The following DGCR2 variants were observed in gnomAD, a reference collection of about 807,000 sequenced individuals.
The protein encoded by DGCR2 is DiGeorge syndrome critical region gene 2, also known as integral membrane protein DGCR2/IDD.
DGCR2 carries 24 observed loss-of-function variants against 51.6 expected under a neutral mutation model. The ratio of observed to expected loss-of-function variants is 0.47; its 90% CI spans 0.34 to 0.65. The LOEUF (loss-of-function observed/expected upper bound fraction) is 0.65, where lower values mean the gene tolerates loss of function less well. Among genes scored for constraint, DGCR2 ranks in the 30% least tolerant of loss-of-function variants. The pLI is 0.01. For synonymous variants in DGCR2, 340 were observed against 315.4 expected (o/e 1.08, Z -0.82); for missense variants, 765 against 772.1 (o/e 0.99, Z 0.11).
At chr22:19,102,149 T>C (rs915383651) in intron 1 of DGCR2, among the ~76,000 whole-genome samples, 1 of 152,216 alleles carries the variant, frequency 6.6e-6, no homozygotes, top group African/African-American at 2.4e-5. Flanking sequence ...AACATTATGC[T>C]AAGTGAAAGA....
At chr22:19,061,659 T>C (rs762801930) in intron 5 of DGCR2, 4 of 152,222 alleles carry the variant, frequency 2.6e-5, no homozygotes, top group Non-Finnish European at 5.9e-5. Flanking sequence ...GGGCCAGTTA[T>C]CCTGCAGCAG....
intron 1 of DGCR2, among the ~76,000 whole-genome samples, chr22:19,102,245 A>G (rs1330733996): frequency 6.6e-6 from 1 of 152,186 alleles, no homozygotes; most frequent in Non-Finnish European, 1.5e-5. Flanking sequence ...TGGAAAGTAG[A>G]ATGGTGGTTG....
At chr22:19,066,082 C>A (rs1423576344) in intron 3 of DGCR2, among the ~76,000 whole-genome samples, 1 of 152,188 alleles carries the variant, frequency 6.6e-6, no homozygotes, top group Non-Finnish European at 1.5e-5. Context: ...CCTGAGTGTG[C>A]AAGGAAGCTC....
intron 5 of DGCR2, among the ~76,000 whole-genome samples, chr22:19,062,775 G>GCTCGCTCTCTCTCTCTCTCTCT (rs1491258740): frequency 1.8e-5 from 2 of 108,860 alleles, no homozygotes; most frequent in Non-Finnish European, 3.9e-5. Context: ...ACACATGCAT[G>GCTCGCTCTCTCTCTCTCTCTCT]CTCACTCTCT....
intron 5 of DGCR2, 144 bp downstream of exon 5, chr22:19,063,058 G>T (rs867033396): frequency 1.3e-5 from 9 of 713,538 alleles, no homozygotes; most frequent in Middle Eastern, 2.4e-4. Flanking sequence ...CATGACCGCA[G>T]CCCTCCCTGC....
At chr22:19,087,037 C>T (rs1327956023) in intron 2 of DGCR2, among the ~76,000 whole-genome samples, 1 of 152,226 alleles carries the variant, frequency 6.6e-6, no homozygotes, top group Non-Finnish European at 1.5e-5. Context: ...AACCAAGAAT[C>T]ATCTGGTTCT....
chr22:19,062,782 C>CATATTTTT, intron 5 of DGCR2, among the ~76,000 whole-genome samples: 1 of 135,362 alleles, frequency 7.4e-6, no homozygotes, highest in Non-Finnish European at 1.6e-5. Context: ...CATGCTCACT[C>CATATTTTT]TCTCTCTCTC....
intron 1 of DGCR2, among the ~76,000 whole-genome samples, chr22:19,091,676 CT>C (rs1349853744): frequency 6.6e-6 from 1 of 152,094 alleles, no homozygotes; most frequent in East Asian, 1.9e-4. Context: ...TTCTGGGAGG[CT>C]GAGGCAGGCA....
intron 2 of DGCR2, among the ~76,000 whole-genome samples, chr22:19,072,728 G>A (rs1049214654): frequency 1.3e-5 from 2 of 152,100 alleles, no homozygotes; most frequent in African/African-American, 4.8e-5. Context: ...CAAAAAATTA[G>A]CTGGGCGTGG....
At chr22:19,120,222 A>C (rs2083418021) in intron 1 of DGCR2, among the ~76,000 whole-genome samples, 1 of 152,138 alleles carries the variant, frequency 6.6e-6, no homozygotes, top group Non-Finnish European at 1.5e-5. Flanking sequence ...TCATCTGGAG[A>C]GTCATGGAAT....
intron 1 of DGCR2, among the ~76,000 whole-genome samples, chr22:19,090,544 T>G (rs113961537): frequency 1.2e-4 from 18 of 152,346 alleles, no homozygotes; most frequent in African/African-American, 4.1e-4. Flanking sequence ...GAAAAAGCTG[T>G]TGACCTACAA....
intron 1 of DGCR2, among the ~76,000 whole-genome samples, chr22:19,108,568 CTAAAAAAAAAAAAAAAAAAAA>C (rs1569087712): frequency 1.8e-5 from 1 of 56,666 alleles, no homozygotes; most frequent in Non-Finnish European, 3.2e-5. Flanking sequence ...GAGAATTTAT[CTAAAAAAAAAAAAAAAAAAAA>C]AAAAAAAAAA....
At chr22:19,063,076 G>A (rs2082702947) in intron 5 of DGCR2, 126 bp downstream of exon 5, 5 of 724,622 alleles carry the variant, frequency 6.9e-6, no homozygotes, top group Non-Finnish European at 1.1e-5. Context: ...TGCAACTGGG[G>A]CTCACCCACT....
At chr22:19,063,735 A>C (rs1455210622) in intron 4 of DGCR2, among the ~76,000 whole-genome samples, 3 of 152,116 alleles carry the variant, frequency 2.0e-5, no homozygotes, top group South Asian at 2.1e-4. Flanking sequence ...GAAAAGTTTT[A>C]TCTCAGGGAA....
chr22:19,038,997 C>A lies in DGCR2; in HGVS notation c.1521G>T (p.Leu507=). 5 of 1,612,044 alleles carry A rather than the reference C, an allele frequency of 3.1e-6. No individual in the cohort carries two copies. Among genetic ancestry groups the A allele is most frequent in the African/African-American group, 1.3e-5 (1 of 75,060 alleles). ...LPTAGASLAD[L]EDSADSSSAL... ...CGCTGCTGCTGTCGGCAGAGTCTTC[C>A]AGGTCTGCCAGAGAGGCCCCCGCAG... The change falls in exon 10 of 10, where the codon CTG becomes CTT. Residue 507 remains leucine (L), a synonymous_variant. Coordinates refer to ENST00000263196, the MANE Select transcript of DGCR2 (RefSeq NM_005137.3).
chr22:19,101,793 G>A (rs956666211), intron 1 of DGCR2, among the ~76,000 whole-genome samples: 8 of 149,346 alleles, frequency 5.4e-5, no homozygotes, highest in Non-Finnish European at 4.4e-5. Context: ...CACCACACTC[G>A]TCAGTAATCC....
At chr22:19,076,509 G>A (rs987380139) in intron 2 of DGCR2, among the ~76,000 whole-genome samples, 5 of 152,048 alleles carry the variant, frequency 3.3e-5, no homozygotes, top group Admixed American at 6.6e-5. Context: ...TACTGTTTTA[G>A]TAGCTGCACC....
intron 1 of DGCR2, among the ~76,000 whole-genome samples, chr22:19,098,456 A>G (rs1312634380): frequency 6.6e-6 from 1 of 152,212 alleles, no homozygotes; most frequent in East Asian, 1.9e-4. Flanking sequence ...GCTGCAGATA[A>G]TATGGGAATG....
In DGCR2 at chr22:19,038,653, T is replaced by C. The variant is rs534711106; in HGVS notation, c.*212A>G. On this transcript the variant is annotated 3_prime_UTR_variant, in exon 10 of 10. Coordinates refer to ENST00000263196, the MANE Select transcript of DGCR2 (RefSeq NM_005137.3). Reference sequence around the variant, plus strand: ...AGACAGTGATCCAAAGCTATGCATGTTTCTGAAGCCCTCAAGGAAGCTCGG... The same window carrying C: ...AGACAGTGATCCAAAGCTATGCATGCTTCTGAAGCCCTCAAGGAAGCTCGG... 1.6e-6 allele frequency: 1 copy of C among 614,288 alleles called. No homozygotes were observed. The highest frequency in any genetic ancestry group is 3.3e-5 in the Admixed American group (1 of 30,708). The allele number at this position is 614,288 out of a possible 1,614,324, so 38.1% of individuals were successfully genotyped here.
Sources: gnomAD v4.1 joint callset for allele counts (sites outside exome capture counted in the v4.1 genomes callset) on GRCh38, gnomAD v4.1.1 for gene constraint, MANE v1.5 for transcripts, NCBI Gene and HGNC (gene_info 2026-07-23, HGNC 2026-07-21) for gene names.